RETREG1: variants seen among roughly 807,000 people sequenced by gnomAD.
RETREG1 encodes reticulophagy regulator 1.
In RETREG1, 44 loss-of-function variants were observed where a neutral mutation model predicts 54.8. That is an observed-to-expected ratio of 0.80 (90% CI 0.63 to 1.03). RETREG1 has a LOEUF of 1.03. RETREG1 is among the 50% of genes least tolerant of loss of function. The pLI, the probability that RETREG1 is intolerant of heterozygous loss-of-function variation, is 0.00. For missense variants in RETREG1, 554 were observed against 605.1 expected, an observed-to-expected ratio of 0.92 and a Z score of 0.89; for synonymous variants, 217 against 238.5, an observed-to-expected ratio of 0.91 and a Z score of 0.83.
intron 3 of RETREG1, among the ~76,000 whole-genome samples, chr5:16,543,130 C>T (rs1167265368): frequency 6.6e-6 from 1 of 152,130 alleles, no homozygotes; most frequent in African/African-American, 2.4e-5. Context: ...AGCATAATTA[C>T]CTTGAGATTC....
chr5:16,582,699 T>C (rs557538194), intron 1 of RETREG1, among the ~76,000 whole-genome samples: 1 of 152,132 alleles, frequency 6.6e-6, no homozygotes, highest in Non-Finnish European at 1.5e-5. Flanking sequence ...CCCCGGCTTA[T>C]TTCCATATCA....
intron 3 of RETREG1, chr5:16,508,994 T>C: frequency 9.8e-7 from 1 of 1,023,678 alleles, no homozygotes; most frequent in African/African-American, 1.7e-5. Context: ...TAACCTTCAT[T>C]GGATGACTTC....
chr5:16,607,646 G>C (rs971944143), intron 1 of RETREG1, among the ~76,000 whole-genome samples: 1 of 151,880 alleles, frequency 6.6e-6, no homozygotes, highest in Non-Finnish European at 1.5e-5. Flanking sequence ...AATACTTGTT[G>C]TATATTTTAA....
chr5:16,556,996 A>G (rs145751160), intron 3 of RETREG1, among the ~76,000 whole-genome samples: 1,569 of 152,112 alleles, frequency 0.01, 30 homozygotes, highest in African/African-American at 0.035. Context: ...TGCCTGGCTA[A>G]TTTTTGTGTT....
intron 3 of RETREG1, among the ~76,000 whole-genome samples, chr5:16,557,936 G>C (rs1282119928): frequency 6.6e-6 from 1 of 152,086 alleles, no homozygotes; most frequent in Non-Finnish European, 1.5e-5. Flanking sequence ...TAAGACATGA[G>C]GGGTCTGCCT....
rs1741841528 is a variant in RETREG1 at position 16,561,059 on chromosome 5, C to A, written c.458+4704G>T. Among the ~76,000 whole-genome samples, 1 of 152,150 alleles carries A rather than the reference C, an allele frequency of 6.6e-6. No individual in the cohort carries two copies. Among genetic ancestry groups the A allele is most frequent in the African/African-American group, 2.4e-5 (1 of 41,418 alleles). ...GGTACTTGCAACAGTTCACTTGTACCTCCCATTAACCAGATGAAAACCTGA... is the reference window on the plus strand; with the variant it reads ...GGTACTTGCAACAGTTCACTTGTACATCCCATTAACCAGATGAAAACCTGA... On this transcript the variant is annotated intron_variant, in intron 3 of 8. Coordinates refer to ENST00000306320, the MANE Select transcript of RETREG1 (RefSeq NM_001034850.3). This position sits in a 1 kb window ranked among gnomAD's most constrained non-coding sequence, Gnocchi z 4.2.
At position 16,561,421 on chromosome 5, in the gene RETREG1, T is replaced by C. The variant is rs977279998; in HGVS notation, c.458+4342A>G. 3.3e-4 allele frequency among the ~76,000 whole-genome samples: 50 copies of C among 152,080 alleles called. No homozygotes were observed. The highest frequency in any genetic ancestry group is 9.8e-4 in the Admixed American group (15 of 15,262). ...CTGAGGCAGGAGAATGGCATGAACC[T>C]GGGAGGTGGAGCTTGCAGAGAGCCA... On this transcript the variant is annotated intron_variant, in intron 3 of 8. Coordinates refer to ENST00000306320, the MANE Select transcript of RETREG1 (RefSeq NM_001034850.3). The surrounding 1 kb of genome is among the most constrained non-coding windows in gnomAD (Gnocchi z 4.2).
intron 2 of RETREG1, among the ~76,000 whole-genome samples, chr5:16,567,572 T>A (rs1367576316): frequency 6.6e-6 from 1 of 152,082 alleles, no homozygotes. Flanking sequence ...CAGCAGTGGT[T>A]ACAGATGCTC....
At position 16,616,702 on chromosome 5, in the gene RETREG1, C is replaced by A; in HGVS notation, c.270G>T (p.Lys90Asn). 1 of 1,594,410 alleles carries A rather than the reference C, an allele frequency of 6.3e-7. No homozygotes were observed. Among genetic ancestry groups the A allele is most frequent in the Non-Finnish European group, 8.5e-7 (1 of 1,176,984 alleles). The change falls in exon 1 of 9, where the codon AAG becomes AAT. Residue 90 changes from lysine (K) to asparagine (N), a missense_variant. By Grantham distance (94) the Lys-to-Asn change is moderately conservative. Around this residue, in one of 4 missense-constraint regions of RETREG1, gnomAD observed 175 missense variants for 142.1 expected, o/e 1.23. Coordinates refer to ENST00000306320, the MANE Select transcript of RETREG1 (RefSeq NM_001034850.3). The stretch of plus-strand genomic sequence containing the variant: ...AGCCGAGCAGGCTCCGCAGCGGCCT[C>A]TTCCAGCTCAGCAGCTCGTCGGCGC... ...GCRADELLSW[K>N]RPLRSLLGFV...
Position 16,479,006 on chromosome 5 carries a change from C to T in RETREG1, c.671-19G>A. 6.2e-7 allele frequency: 1 copy of T among 1,610,214 alleles called. No homozygotes were observed. The highest frequency in any genetic ancestry group is 8.5e-7 in the Non-Finnish European group (1 of 1,177,790). On this transcript the variant is annotated intron_variant, in intron 5 of 8. Coordinates refer to ENST00000306320, the MANE Select transcript of RETREG1 (RefSeq NM_001034850.3). ...CACAGTACTGAAAGAAGAAAGAGAG[C>T]AGAGGTAAAATGCCTTTCCTTTCAA...
chr5:16,616,840 C>T lies in RETREG1; in HGVS notation c.132G>A (p.Ala44=). 1 of 1,513,960 alleles carries T rather than the reference C, an allele frequency of 6.6e-7. No homozygotes were observed. The highest frequency in any genetic ancestry group is 8.8e-7 in the Non-Finnish European group (1 of 1,138,640). 93.8% of individuals were successfully genotyped at this position (1,513,960 alleles called of 1,614,324 possible). Residue 44 remains alanine, a synonymous_variant, in exon 1 of 9, where the codon GCG becomes GCA. Coordinates refer to ENST00000306320, the MANE Select transcript of RETREG1 (RefSeq NM_001034850.3). ...CGCCCTCCGCCGCCCCAGCTTCCTGCGCTTCCTCCTCCTGCTGCTGCCGCT... is the reference window on the plus strand; with the variant it reads ...CGCCCTCCGCCGCCCCAGCTTCCTGTGCTTCCTCCTCCTGCTGCTGCCGCT... ...PAERQQQEEE[A]QEAGAAEGAG...
At chr5:16,510,623 C>A (rs1180488054) in intron 3 of RETREG1, among the ~76,000 whole-genome samples, 5 of 151,872 alleles carry the variant, frequency 3.3e-5, no homozygotes, top group African/African-American at 1.2e-4. Context: ...AACCCTGTCT[C>A]TACTAAAAAT....
chr5:16,513,758 G>A (rs759492666), intron 3 of RETREG1, among the ~76,000 whole-genome samples: 3 of 152,196 alleles, frequency 2.0e-5, no homozygotes, highest in Admixed American at 1.3e-4. Flanking sequence ...GCAAGAATGA[G>A]TCCTGTTTTC....
In RETREG1 at chr5:16,568,524, C is replaced by T. The variant is rs140724654; in HGVS notation, c.428-2731G>A. On this transcript the variant is annotated intron_variant, in intron 2 of 8. Coordinates refer to ENST00000306320, the MANE Select transcript of RETREG1 (RefSeq NM_001034850.3). ...CTGACCTCAAGTGATCCACCTGCCTCGGCCTTCCAAAGTGCTGAGGTCATG... is the reference window on the plus strand; with the variant it reads ...CTGACCTCAAGTGATCCACCTGCCTTGGCCTTCCAAAGTGCTGAGGTCATG... 7.0e-3 allele frequency among the ~76,000 whole-genome samples: 1,064 copies of T among 152,244 alleles called. 8 individuals are homozygous for T. Among genetic ancestry groups the T allele is most frequent in the African/African-American group, 0.024 (987 of 41,526 alleles).
chr5:16,497,323 C>T (rs1454010403), intron 3 of RETREG1, among the ~76,000 whole-genome samples: 5 of 152,166 alleles, frequency 3.3e-5, no homozygotes, highest in African/African-American at 9.6e-5. Context: ...AGTTCTTCTA[C>T]GGAAGTTGGA....
chr5:16,514,245 C>T (rs963155035), intron 3 of RETREG1, among the ~76,000 whole-genome samples: 2 of 152,104 alleles, frequency 1.3e-5, no homozygotes, highest in African/African-American at 4.8e-5. Flanking sequence ...CTCCCTCCCA[C>T]ATTCTTATTT....
At chr5:16,509,088 T>A (rs1360241335) in intron 3 of RETREG1, 22 of 908,928 alleles carry the variant, frequency 2.4e-5, no homozygotes, top group Non-Finnish European at 2.9e-5. Context: ...AAGGGTGGAG[T>A]GGCCACAGGA....
intron 3 of RETREG1, among the ~76,000 whole-genome samples, chr5:16,484,753 A>T (rs976194844): frequency 5.9e-5 from 9 of 151,922 alleles, no homozygotes; most frequent in Non-Finnish European, 1.3e-4. Flanking sequence ...AAAAGGGGGG[A>T]AGTATACCAT....
chr5:16,593,460 T>G lies in RETREG1; in HGVS notation c.321-21358A>C, dbSNP rs1742828426. On this transcript the variant is annotated intron_variant, in intron 1 of 8. Transcript: ENST00000306320. The surrounding 1 kb of genome is among the most constrained non-coding windows in gnomAD (Gnocchi z 4.9). Reference sequence around the variant, plus strand: ...TTGCTGTTGCTCATTCAGTATTTGTTGTACAAATGATTCAATTAATGTAAT... The same window carrying G: ...TTGCTGTTGCTCATTCAGTATTTGTGGTACAAATGATTCAATTAATGTAAT... Among the ~76,000 whole-genome samples, 1 of 152,188 alleles carries G rather than the reference T, an allele frequency of 6.6e-6. No homozygotes were observed. The highest frequency in any genetic ancestry group is 2.4e-5 in the African/African-American group (1 of 41,438).
Sources: gnomAD v4.1 joint callset for allele counts (sites outside exome capture counted in the v4.1 genomes callset) on GRCh38, gnomAD v4.1.1 for gene constraint, gnomAD v4.1.1 regional missense constraint, Gnocchi (gnomAD v3.1) non-coding constraint, MANE v1.5 for transcripts, NCBI Gene and HGNC (gene_info 2026-07-23, HGNC 2026-07-21) for gene names.